Variants in EIF2AK4 observed in about 807,000 individuals in gnomAD.
EIF2AK4 encodes eIF-2-alpha kinase GCN2.
EIF2AK4 carries 139 observed loss-of-function variants against 211.1 expected under a neutral mutation model. That is an observed-to-expected ratio of 0.66 (90% CI 0.57 to 0.76). The LOEUF is 0.76. Ranked by LOEUF, EIF2AK4 falls within the 30% of genes least tolerant of loss-of-function variation. EIF2AK4 has a pLI of 0.00. For missense variants in EIF2AK4, 1,664 were observed against 2,043.8 expected (o/e 0.81, Z 3.58); for synonymous variants, 710 against 751.3 (o/e 0.94, Z 0.90).
chr15:40,012,723 G>T (rs1485516707), intron 27 of EIF2AK4, among the ~76,000 whole-genome samples: 1 of 151,544 alleles, frequency 6.6e-6, no homozygotes, highest in African/African-American at 2.4e-5. Context: ...CACATTGGTT[G>T]TTCACATGTC....
chr15:39,995,228 G>A (rs1370207341), intron 18 of EIF2AK4, among the ~76,000 whole-genome samples: 2 of 152,114 alleles, frequency 1.3e-5, no homozygotes, highest in Admixed American at 1.3e-4. Flanking sequence ...TCATGAGATT[G>A]CTATTTTATT....
intron 9 of EIF2AK4, among the ~76,000 whole-genome samples, chr15:39,969,937 A>G (rs913748775): frequency 6.6e-6 from 1 of 152,188 alleles, no homozygotes; most frequent in African/African-American, 2.4e-5. Context: ...GAGTCAAAAC[A>G]TCTGGGTTCA....
At position 39,943,477 on chromosome 15, in the gene EIF2AK4, T is replaced by G; in HGVS notation, c.352T>G (p.Cys118Gly). 6.3e-7 allele frequency: 1 copy of G among 1,578,586 alleles called. No homozygotes were observed. The highest frequency in any genetic ancestry group is 8.6e-7 in the Non-Finnish European group (1 of 1,168,240). The change falls in exon 3 of 39, where the codon TGT becomes GGT. Residue 118 changes from cysteine (C) to glycine (G), a missense_variant. Cys to Gly is a radical substitution (Grantham distance 159). Around this residue, in one of 7 missense-constraint regions of EIF2AK4, gnomAD observed 641 missense variants for 729.6 expected, o/e 0.88. Coordinates refer to ENST00000263791, the MANE Select transcript of EIF2AK4 (RefSeq NM_001013703.4). Reference sequence around the variant, plus strand: ...CCTAGAAGAACTGGCCAAGAAACACTGTGGGGAGGTAAGATTTGTTAAACT... The same window carrying G: ...CCTAGAAGAACTGGCCAAGAAACACGGTGGGGAGGTAAGATTTGTTAAACT... Reference protein sequence around the residue: ...SRLEELAKKHCGEVMIFELAY... With the variant: ...SRLEELAKKHGGEVMIFELAY...
In EIF2AK4 at chr15:39,988,636, A is replaced by G. The variant is rs151140852; in HGVS notation, c.2526+531A>G. On this transcript the variant is annotated intron_variant, in intron 15 of 38. Transcript: ENST00000263791. Reference sequence around the variant, plus strand: ...TTCACTCTCTGGCCCTTTACAGAAAAAATTTGTTAACCTCTGGGAGAGGAG... The same window carrying G: ...TTCACTCTCTGGCCCTTTACAGAAAGAATTTGTTAACCTCTGGGAGAGGAG... Among the ~76,000 whole-genome samples, 3 of 152,298 alleles carry G rather than the reference A, an allele frequency of 2.0e-5. No homozygotes were observed. In the East Asian group the frequency reaches 5.8e-4, roughly 29 times the overall value.
At chr15:39,998,275 G>GTTTTTT (rs369083938) in intron 19 of EIF2AK4, among the ~76,000 whole-genome samples, 1 of 137,500 alleles carries the variant, frequency 7.3e-6, no homozygotes, top group Non-Finnish European at 1.5e-5. Flanking sequence ...TTTTTGTTTT[G>GTTTTTT]TTTTTTTTTG....
intron 4 of EIF2AK4, among the ~76,000 whole-genome samples, chr15:39,950,678 G>A (rs2034296425): frequency 6.6e-6 from 1 of 151,584 alleles, no homozygotes. Context: ...CCGTTTAGTT[G>A]CCATCAATAA....
Position 39,949,199 on chromosome 15 carries a change from A to C in EIF2AK4, c.444A>C (p.Glu148Asp). 1 of 1,614,116 alleles carries C rather than the reference A, an allele frequency of 6.2e-7. No individual in the cohort carries two copies. The highest frequency in any genetic ancestry group is 8.5e-7 in the Non-Finnish European group (1 of 1,180,016). Residue 148 changes from glutamate to aspartate, a missense_variant, in exon 4 of 39, where the codon GAA (glutamate) becomes GAC (aspartate). Coordinates refer to ENST00000263791, the MANE Select transcript of EIF2AK4 (RefSeq NM_001013703.4). ...CCCCTCCCAAGTCTTTTCATGAAGA[A>C]ATGCTGGAAAGGCGGGCTCAGGAGG... ...NKPPPKSFHE[E>D]MLERRAQEEQ...
rs189349394 is a variant in EIF2AK4 at position 39,998,900 on chromosome 15, G to A, written c.2922+116G>A. 4.1e-5 allele frequency: 34 copies of A among 825,152 alleles called. No homozygotes were observed. In the East Asian group the frequency reaches 8.3e-4, roughly 20 times the overall value. 51.1% of individuals were successfully genotyped at this position (825,152 alleles called of 1,614,324 possible). On this transcript the variant is annotated intron_variant, in intron 20 of 38. Transcript: ENST00000263791. Reference sequence around the variant, plus strand: ...CATTCTCTTGTGTCCTGGGAACAACGTGGGGAAAAAATATGAAAAGATGAA... The same window carrying A: ...CATTCTCTTGTGTCCTGGGAACAACATGGGGAAAAAATATGAAAAGATGAA...
At chr15:39,949,348 C>T (rs951496835) in intron 4 of EIF2AK4, 80 bp downstream of exon 4, 2 of 1,544,210 alleles carry the variant, frequency 1.3e-6, no homozygotes, top group East Asian at 2.3e-5. Context: ...CTGTCTCTGC[C>T]TACAAACTTA....
intron 35 of EIF2AK4, among the ~76,000 whole-genome samples, chr15:40,031,952 C>T (rs1456576200): frequency 6.6e-6 from 1 of 152,212 alleles, no homozygotes; most frequent in African/African-American, 2.4e-5. Context: ...TCTCAAACTC[C>T]TGACCTCAGG....
chr15:40,018,536 G>A (rs995035980), intron 29 of EIF2AK4, among the ~76,000 whole-genome samples: 5 of 151,824 alleles, frequency 3.3e-5, no homozygotes, highest in Non-Finnish European at 5.9e-5. Context: ...TGTCCAGGCT[G>A]ATCTCACACT....
chr15:39,966,418 T>G (rs2140912359), intron 8 of EIF2AK4, among the ~76,000 whole-genome samples: 1 of 151,764 alleles, frequency 6.6e-6, no homozygotes, highest in South Asian at 2.1e-4. Context: ...GGATAATTGC[T>G]TGAGCCCAGG....
rs140633431 is a variant in EIF2AK4 at position 39,981,185 on chromosome 15, C to G, written c.2319+3038C>G. On this transcript the variant is annotated intron_variant, in intron 13 of 38. Transcript: ENST00000263791. The stretch of plus-strand genomic sequence containing the variant: ...TCAAGAGTGAGACCAGCCTGGCCAA[C>G]ATGGTGAAACCCCATCTCTACTAAA... Among the ~76,000 whole-genome samples, 350 of 152,258 alleles carry G rather than the reference C, an allele frequency of 2.3e-3. 5 individuals are homozygous for G. The highest frequency in any genetic ancestry group is 0.016 in the Admixed American group (249 of 15,294).
intron 27 of EIF2AK4, among the ~76,000 whole-genome samples, chr15:40,012,933 C>T (rs1275271738): frequency 1.3e-5 from 2 of 152,148 alleles, no homozygotes; most frequent in African/African-American, 2.4e-5. Context: ...ATATCTGACC[C>T]AGTCCTCTTA....
chr15:40,023,128 G>GT (rs1201791558), intron 32 of EIF2AK4, among the ~76,000 whole-genome samples: 9 of 152,246 alleles, frequency 5.9e-5, no homozygotes, highest in African/African-American at 1.7e-4. Flanking sequence ...ACTGGCTGTG[G>GT]TTTTTTCCTA....
intron 27 of EIF2AK4, among the ~76,000 whole-genome samples, chr15:40,012,700 C>G (rs148687134): frequency 1.3e-5 from 2 of 151,674 alleles, no homozygotes; most frequent in African/African-American, 4.8e-5. Flanking sequence ...AATATACATT[C>G]GGACGTAATA....
intron 15 of EIF2AK4, among the ~76,000 whole-genome samples, chr15:39,989,719 A>C (rs2034916371): frequency 6.6e-6 from 1 of 152,242 alleles, no homozygotes; most frequent in Non-Finnish European, 1.5e-5. Context: ...GAAACAATAC[A>C]GATTATGAGC....
At chr15:39,989,455 C>T (rs1318062092) in intron 15 of EIF2AK4, among the ~76,000 whole-genome samples, 2 of 152,172 alleles carry the variant, frequency 1.3e-5, no homozygotes, top group African/African-American at 4.8e-5. Flanking sequence ...CTAATGAGGG[C>T]CATTTAAGCT....
At chr15:40,027,056 A>G (rs904240639) in intron 33 of EIF2AK4, among the ~76,000 whole-genome samples, 5 of 152,148 alleles carry the variant, frequency 3.3e-5, no homozygotes, top group Admixed American at 1.3e-4. Flanking sequence ...AACATTTTAA[A>G]TATGTTTATT....
Sources: gnomAD v4.1 joint callset for allele counts (sites outside exome capture counted in the v4.1 genomes callset) on GRCh38, gnomAD v4.1.1 for gene constraint, gnomAD v4.1.1 regional missense constraint, MANE v1.5 for transcripts, NCBI Gene and HGNC (gene_info 2026-07-23, HGNC 2026-07-21) for gene names.